The following ITPR3 variants were observed in gnomAD, a reference collection of about 807,000 sequenced individuals.
ITPR3 encodes the protein inositol 1,4,5-trisphosphate receptor type 3, also known as inositol 1,4,5-trisphosphate-gated calcium channel ITPR3.
ITPR3 carries 173 observed loss-of-function variants against 293.2 expected under a neutral mutation model. The observed-to-expected ratio is 0.59, with a 90% confidence interval of 0.52 to 0.67. ITPR3 has a LOEUF of 0.67. ITPR3 is among the 30% of genes least tolerant of loss of function. The pLI, the probability that ITPR3 is intolerant of heterozygous loss-of-function variation, is 0.00. For missense variants in ITPR3, 2,796 were observed against 3,592.1 expected, an observed-to-expected ratio of 0.78 and a Z score of 5.66; for synonymous variants, 1,295 against 1,444.4, an observed-to-expected ratio of 0.90 and a Z score of 2.35.
chr6:33,641,156 C>T (rs1342519782), intron 2 of ITPR3, among the ~76,000 whole-genome samples: 4 of 152,200 alleles, frequency 2.6e-5, no homozygotes, highest in African/African-American at 4.8e-5. Flanking sequence ...CTCCTCGGGC[C>T]GCCCAGCAGG....
chr6:33,687,728 G>GA lies in ITPR3; in HGVS notation c.6264+167dup, dbSNP rs923350494. On this transcript the variant is annotated intron_variant, in intron 46 of 57. Coordinates refer to ENST00000605930, the MANE Select transcript of ITPR3 (RefSeq NM_002224.4). This position sits in a 1 kb window ranked among gnomAD's most constrained non-coding sequence, Gnocchi z 5.3. ...CTGATTGGGACTGGCAGCCGTGGGT[G>GA]AAACCCAGACAGAAATGGAAGCAAG... is the stretch of plus-strand genomic sequence containing the variant. 2.0e-5 allele frequency among the ~76,000 whole-genome samples: 3 copies of GA among 152,174 alleles called. No homozygotes were observed. Among genetic ancestry groups the GA allele is most frequent in the Non-Finnish European group, 2.9e-5 (2 of 68,020 alleles).
chr6:33,631,671 A>G (rs1392986183), intron 1 of ITPR3, among the ~76,000 whole-genome samples: 2 of 152,204 alleles, frequency 1.3e-5, no homozygotes, highest in East Asian at 3.8e-4. Context: ...GCAGGCCTGG[A>G]TAATATCCAG....
At chr6:33,690,336 A>G in intron 51 of ITPR3, 138 bp downstream of exon 51, 1 of 870,622 alleles carries the variant, frequency 1.1e-6, no homozygotes, top group South Asian at 1.8e-5. Context: ...GAAATTACAG[A>G]GTCTTCATCT....
chr6:33,623,916 C>T (rs1161023265), intron 1 of ITPR3, among the ~76,000 whole-genome samples: 2 of 152,234 alleles, frequency 1.3e-5, no homozygotes, highest in Non-Finnish European at 2.9e-5. Context: ...CTAGCATCGG[C>T]CTGTGCAGGT....
At chr6:33,671,687 G>A (rs1764771118) in intron 21 of ITPR3, among the ~76,000 whole-genome samples, 1 of 152,198 alleles carries the variant, frequency 6.6e-6, no homozygotes, top group Non-Finnish European at 1.5e-5. Context: ...TAAACAAAAG[G>A]TGCCTAGAGC....
chr6:33,647,355 T>G (rs1268569875), intron 2 of ITPR3, among the ~76,000 whole-genome samples: 1 of 152,106 alleles, frequency 6.6e-6, no homozygotes, highest in Admixed American at 6.6e-5. Flanking sequence ...TGTGGTAAGA[T>G]TCACATAACA....
chr6:33,654,401 T>C lies in ITPR3; in HGVS notation c.161-1365T>C, dbSNP rs1447629428. On this transcript the variant is annotated intron_variant, in intron 2 of 57. Transcript: ENST00000605930. This position sits in a 1 kb window ranked among gnomAD's most constrained non-coding sequence, Gnocchi z 4.1. ...GGTGGGGCAGCCCTTGGTGGCTCCA[T>C]CTGCTTGTGGAATTGCCATTTTTCC... Among the ~76,000 whole-genome samples, 1 of 152,204 alleles carries C rather than the reference T, an allele frequency of 6.6e-6. No homozygotes were observed. Among genetic ancestry groups the C allele is most frequent in the Non-Finnish European group, 1.5e-5 (1 of 68,020 alleles).
chr6:33,668,005 C>T (rs369937157), intron 16 of ITPR3, 41 bp downstream of exon 16: 2 of 1,605,864 alleles, frequency 1.2e-6, no homozygotes, highest in African/African-American at 2.7e-5. Context: ...CTGCTCCTCC[C>T]TCCTCCCTTG....
Position 33,674,257 on chromosome 6 carries a change from T to C in ITPR3, c.3108T>C (p.Phe1036=). ...TCGGGGAGCAGGCGGAGGCCATGTT[T>C]GGAGTGGGGTGAGGCCAGGGTTGAG... ...DRIGEQAEAM[F]GVGKTSSMLE... is the part of the protein sequence containing the mutation. Residue 1036 remains phenylalanine, a synonymous_variant, in exon 24 of 58, where the codon TTT becomes TTC. Transcript: ENST00000605930. 6.2e-7 allele frequency: 1 copy of C among 1,613,960 alleles called. No homozygotes were observed. The highest frequency in any genetic ancestry group is 8.5e-7 in the Non-Finnish European group (1 of 1,179,938).
chr6:33,688,361 C>G lies in ITPR3; in HGVS notation c.6498C>G (p.Ser2166Arg). 1 of 1,590,140 alleles carries G rather than the reference C, an allele frequency of 6.3e-7. No homozygotes were observed. The highest frequency in any genetic ancestry group is 8.6e-7 in the Non-Finnish European group (1 of 1,169,382). ...FTTTEQDEQG[S>R]KVSDFFDQSS... is the part of the protein sequence containing the mutation. ...CTACTGAGCAGGACGAGCAGGGCAGCAAAGTGAGCGACTTCTTCGACCAGT... is the reference window on the plus strand; with the variant it reads ...CTACTGAGCAGGACGAGCAGGGCAGGAAAGTGAGCGACTTCTTCGACCAGT... Residue 2166 changes from serine to arginine, a missense_variant, in exon 48 of 58, where the codon AGC becomes AGG. This residue lies in a region of ITPR3 where 568 missense variants were observed against 796.1 expected (regional missense o/e 0.71). Coordinates refer to ENST00000605930, the MANE Select transcript of ITPR3 (RefSeq NM_002224.4).
rs1226287253 is a variant in ITPR3 at position 33,667,965 on chromosome 6, G to A, written c.1886+1G>A. 1.2e-6 allele frequency: 2 copies of A among 1,614,078 alleles called. No individual in the cohort carries two copies. Among genetic ancestry groups the A allele is most frequent in the Non-Finnish European group, 1.7e-6 (2 of 1,179,996 alleles). On this transcript the variant is annotated splice_donor_variant, in intron 16 of 57. Coordinates refer to ENST00000605930, the MANE Select transcript of ITPR3 (RefSeq NM_002224.4). LOFTEE classifies it high-confidence loss of function. This position sits in a 1 kb window ranked among gnomAD's most constrained non-coding sequence, Gnocchi z 4.4. ...TTGTGCGCAAGAACCGGGAGCCCAG[G>A]TGGGCCCGAACCCCCTCCCCGGCCG...
chr6:33,690,022 A>G lies in ITPR3; in HGVS notation c.6868-12A>G. 6.2e-7 allele frequency: 1 copy of G among 1,613,888 alleles called. No individual in the cohort carries two copies. The highest frequency in any genetic ancestry group is 8.5e-7 in the Non-Finnish European group (1 of 1,179,946). On this transcript the variant is annotated splice_polypyrimidine_tract_variant and intron_variant, in intron 50 of 57. Transcript: ENST00000605930. ...TAGGGTGCTGACTCTCATGCCTTGC[A>G]CTCGCCCCCAGCTGACCAACAAGAT... is the stretch of plus-strand genomic sequence containing the variant.
rs1240416503 is a variant in ITPR3 at position 33,662,976 on chromosome 6, C to G, written c.924C>G (p.His308Gln). ...GGAATGGCTTGTACCGCTTCAAGCA[C>G]CTGGCTACAGGCAACTACCTGGCTG... ...GHWNGLYRFKHLATGNYLAAE... is the reference protein window; with the variant it reads ...GHWNGLYRFKQLATGNYLAAE... The change falls in exon 9 of 58, where the codon CAC becomes CAG. Residue 308 changes from histidine (H) to glutamine (Q), a missense_variant. Around this residue, in one of 8 missense-constraint regions of ITPR3, gnomAD observed 955 missense variants for 1,180.8 expected, o/e 0.81. Transcript: ENST00000605930. The G allele has an allele frequency of 1.2e-6, 2 of 1,603,634 alleles. No individual in the cohort carries two copies. The highest frequency in any genetic ancestry group is 1.7e-6 in the Non-Finnish European group (2 of 1,174,742).
In ITPR3 at chr6:33,621,573, C is replaced by T; in HGVS notation, c.-30C>T. The T allele has an allele frequency of 1.3e-6, 2 of 1,548,348 alleles. No individual in the cohort carries two copies. Among genetic ancestry groups the T allele is most frequent in the Non-Finnish European group, 1.8e-6 (2 of 1,138,646 alleles). On this transcript the variant is annotated 5_prime_UTR_variant, in exon 1 of 58. Coordinates refer to ENST00000605930, the MANE Select transcript of ITPR3 (RefSeq NM_002224.4). The surrounding 1 kb of genome is among the most constrained non-coding windows in gnomAD (Gnocchi z 7.7). ...TTGGCCACGCGCCCCTAGGCGCCCC[C>T]CACGCCCTGGGCCCCGGAGGGCCGC...
At chr6:33,663,448 T>G in intron 9 of ITPR3, 52 bp from the exon 10 acceptor site, 1 of 1,542,158 alleles carries the variant, frequency 6.5e-7, no homozygotes, top group Non-Finnish European at 8.8e-7. Context: ...GTGGGTCGTG[T>G]GGGTATAGTT....
Position 33,684,447 on chromosome 6 carries a change from G to A in ITPR3, c.5028G>A (p.Lys1676=), listed in dbSNP as rs749346508. 6.2e-7 allele frequency: 1 copy of A among 1,614,092 alleles called. No homozygotes were observed. The highest frequency in any genetic ancestry group is 1.1e-5 in the South Asian group (1 of 91,064). ...LRTLQQMLLK[K]TKYGDRGNQL... is the part of the protein sequence containing the mutation. ...CCCTGCAGCAGATGCTGCTCAAGAA[G>A]ACCAAGTACGGGGACCGGGTGAGTG... The change falls in exon 37 of 58, where the codon AAG becomes AAA. Residue 1676 remains lysine (K), a synonymous_variant. Transcript: ENST00000605930. The surrounding 1 kb of genome is among the most constrained non-coding windows in gnomAD (Gnocchi z 4.2).
At chr6:33,639,984 C>G (rs992963304) in intron 1 of ITPR3, among the ~76,000 whole-genome samples, 1 of 152,160 alleles carries the variant, frequency 6.6e-6, no homozygotes, top group African/African-American at 2.4e-5. Flanking sequence ...AGTTTGGTGT[C>G]TCCTGTGCTT....
In ITPR3 at chr6:33,667,954, C is replaced by T. The variant is rs568408618; in HGVS notation, c.1876C>T (p.Arg626Trp). 13 of 1,614,156 alleles carry T rather than the reference C, an allele frequency of 8.1e-6. No homozygotes were observed. Among genetic ancestry groups the T allele is most frequent in the Middle Eastern group, 1.6e-4 (1 of 6,062 alleles). ...CTTCGTCAGCCTTGTGCGCAAGAACCGGGAGCCCAGGTGGGCCCGAACCCC... is the reference window on the plus strand; with the variant it reads ...CTTCGTCAGCCTTGTGCGCAAGAACTGGGAGCCCAGGTGGGCCCGAACCCC... ...ETFVSLVRKN[R>W]EPRFLDYLSD... The change falls in exon 16 of 58, where the codon CGG (arginine) becomes TGG (tryptophan). Residue 626 changes from arginine to tryptophan, a missense_variant. By Grantham distance (101) the Arg-to-Trp change is moderately radical. Around this residue, in one of 8 missense-constraint regions of ITPR3, gnomAD observed 955 missense variants for 1,180.8 expected, o/e 0.81. Coordinates refer to ENST00000605930, the MANE Select transcript of ITPR3 (RefSeq NM_002224.4). This position sits in a 1 kb window ranked among gnomAD's most constrained non-coding sequence, Gnocchi z 4.4.
chr6:33,693,241 A>G (rs947757771), intron 55 of ITPR3, among the ~76,000 whole-genome samples: 9 of 152,178 alleles, frequency 5.9e-5, no homozygotes, highest in African/African-American at 2.2e-4. Flanking sequence ...TGTCACCTGT[A>G]TGGCCTGTAG....
Sources: allele counts gnomAD v4.1 joint callset (sites outside exome capture counted in the v4.1 genomes callset), GRCh38; gene constraint gnomAD v4.1.1; regional missense constraint gnomAD v4.1.1; non-coding constraint Gnocchi (gnomAD v3.1); transcripts MANE v1.5; gene names NCBI Gene and HGNC (gene_info 2026-07-23, HGNC 2026-07-21).